SLC30A8: variants seen among roughly 807,000 people sequenced by gnomAD.
SLC30A8 encodes proton-coupled zinc antiporter SLC30A8.
SLC30A8 carries 27 observed loss-of-function variants against 36.9 expected under a neutral mutation model. The observed-to-expected ratio is 0.73, with a 90% CI of 0.54 to 1.01. The LOEUF (loss-of-function observed/expected upper bound fraction) is 1.01, where lower values mean the gene tolerates loss of function less well. SLC30A8 is among the 50% of genes least tolerant of loss of function. The probability of loss-of-function intolerance (pLI) is 0.00; values close to 1 mark genes in which losing one functional copy is unlikely to be tolerated. For synonymous variants in SLC30A8, 164 were observed against 172.4 expected (o/e 0.95, Z 0.38); for missense variants, 439 against 452.0 (o/e 0.97, Z 0.26).
intron 2 of SLC30A8, among the ~76,000 whole-genome samples, chr8:117,113,947 G>A (rs750756989): frequency 3.3e-5 from 5 of 152,072 alleles, no homozygotes; most frequent in Non-Finnish European, 7.4e-5. Flanking sequence ...TTTGTGAAAC[G>A]AGGACAACAG....
intron 4 of SLC30A8, among the ~76,000 whole-genome samples, chr8:117,161,305 A>G (rs1171283226): frequency 2.0e-5 from 3 of 152,176 alleles, no homozygotes; most frequent in East Asian, 3.8e-4. Flanking sequence ...TTTTTCCCTT[A>G]TTTATCCCTT....
At chr8:117,143,190 A>G (rs948096337) in intron 1 of SLC30A8, among the ~76,000 whole-genome samples, 5 of 152,184 alleles carry the variant, frequency 3.3e-5, no homozygotes, top group Non-Finnish European at 5.9e-5. Context: ...AGCTTCTCCA[A>G]GATTGCAAAA....
At chr8:117,085,488 A>G (rs1255757288) in intron 2 of SLC30A8, among the ~76,000 whole-genome samples, 1 of 152,216 alleles carries the variant, frequency 6.6e-6, no homozygotes, top group Non-Finnish European at 1.5e-5. Flanking sequence ...TATTAGAATT[A>G]TTCAACTCTG....
chr8:117,043,362 A>G (rs1817450167), intron 2 of SLC30A8, among the ~76,000 whole-genome samples: 1 of 152,214 alleles, frequency 6.6e-6, no homozygotes, highest in Admixed American at 6.5e-5. Flanking sequence ...TCCGGCAGAA[A>G]GAGAACTTGA....
chr8:117,037,173 A>G (rs1817240532), intron 1 of SLC30A8, among the ~76,000 whole-genome samples: 1 of 152,136 alleles, frequency 6.6e-6, no homozygotes, highest in African/African-American at 2.4e-5. Context: ...TTTAGCTGCC[A>G]TTTTACTAAT....
At chr8:117,142,910 G>T (rs1386299732) in intron 1 of SLC30A8, among the ~76,000 whole-genome samples, 1 of 152,114 alleles carries the variant, frequency 6.6e-6, no homozygotes, top group African/African-American at 2.4e-5. Flanking sequence ...TTCTGATGGT[G>T]CAGGCCCTTT....
chr8:117,055,874 C>T (rs942469938), intron 2 of SLC30A8: 2 of 151,794 alleles, frequency 1.3e-5, no homozygotes, highest in Non-Finnish European at 2.9e-5. Context: ...AAGACAGAAA[C>T]AAATGAAGAG....
intron 2 of SLC30A8, among the ~76,000 whole-genome samples, chr8:117,105,776 C>T (rs1819967639): frequency 6.6e-6 from 1 of 152,122 alleles, no homozygotes; most frequent in Admixed American, 6.6e-5. Flanking sequence ...TACAAAGTGC[C>T]TTCACAGCTG....
chr8:117,038,474 T>C (rs1318675619), intron 1 of SLC30A8, among the ~76,000 whole-genome samples: 1 of 152,202 alleles, frequency 6.6e-6, no homozygotes, highest in East Asian at 1.9e-4. Flanking sequence ...TATTTCTTGA[T>C]TGTATAGTCT....
chr8:116,987,831 G>A (rs903937236), intron 1 of SLC30A8, among the ~76,000 whole-genome samples: 2 of 152,138 alleles, frequency 1.3e-5, no homozygotes, highest in African/African-American at 4.8e-5. Flanking sequence ...AAGTAGCTGG[G>A]ATTACAGATG....
chr8:117,127,108 T>A (rs190424161), intron 2 of SLC30A8, among the ~76,000 whole-genome samples: 1 of 148,140 alleles, frequency 6.8e-6, no homozygotes, highest in Non-Finnish European at 1.5e-5. Context: ...TGTCCTTGGG[T>A]TTTTGTTTAT....
At chr8:116,971,936 T>A (rs1814808765) in intron 1 of SLC30A8, among the ~76,000 whole-genome samples, 2 of 152,334 alleles carry the variant, frequency 1.3e-5, no homozygotes, top group East Asian at 3.9e-4. Flanking sequence ...TGAAATTTAG[T>A]AGGTGAGGAG....
chr8:117,083,316 G>A (rs1245374300), intron 2 of SLC30A8, among the ~76,000 whole-genome samples: 1 of 152,166 alleles, frequency 6.6e-6, no homozygotes, highest in African/African-American at 2.4e-5. Context: ...TCTCAGCTGA[G>A]TTGCTCTCCT....
rs535054468 is a variant in SLC30A8 at position 117,019,008 on chromosome 8, A to T, written c.-265-20211A>T. ...CTACCAGCTAAGCATTTTTTAAAAA[A>T]TTTTTAACATGGTTAAATTTTAAAT... On this transcript the variant is annotated intron_variant, in intron 1 of 10. Transcript: ENST00000427715. Among the ~76,000 whole-genome samples the T allele has an allele frequency of 3.9e-5, 6 of 152,260 alleles. No homozygotes were observed. In the East Asian group the frequency reaches 7.7e-4, roughly 20 times the overall value.
intron 2 of SLC30A8, among the ~76,000 whole-genome samples, chr8:117,102,612 A>G (rs1819775324): frequency 6.6e-6 from 1 of 152,156 alleles, no homozygotes; most frequent in Non-Finnish European, 1.5e-5. Context: ...GCTCACTCCA[A>G]AGGCTCTAGG....
intron 1 of SLC30A8, among the ~76,000 whole-genome samples, chr8:116,996,067 C>G (rs1815802679): frequency 6.6e-6 from 1 of 152,222 alleles, no homozygotes; most frequent in Admixed American, 6.5e-5. Context: ...CATATTTTCT[C>G]TAATAAATCT....
chr8:117,083,169 C>CA (rs749550104), intron 2 of SLC30A8, among the ~76,000 whole-genome samples: 13 of 152,136 alleles, frequency 8.5e-5, no homozygotes, highest in East Asian at 5.8e-4. Context: ...GAAATGACAG[C>CA]AAAAAATGGC....
At chr8:117,107,561 T>C (rs1361648891) in intron 2 of SLC30A8, among the ~76,000 whole-genome samples, 1 of 152,210 alleles carries the variant, frequency 6.6e-6, no homozygotes, top group Non-Finnish European at 1.5e-5. Context: ...AAGGAGACGA[T>C]ACTATCTCTT....
intron 1 of SLC30A8, among the ~76,000 whole-genome samples, chr8:116,960,286 A>G (rs1009324079): frequency 5.3e-5 from 8 of 152,204 alleles, no homozygotes; most frequent in African/African-American, 1.4e-4. Flanking sequence ...ACGTCATTTG[A>G]TAGAATAGAG....
Sources: allele counts gnomAD v4.1 joint callset (sites outside exome capture counted in the v4.1 genomes callset), GRCh38; gene constraint gnomAD v4.1.1; transcripts MANE v1.5; gene names NCBI Gene and HGNC (gene_info 2026-07-23, HGNC 2026-07-21).